Variants in SEC14L1 observed in about 807,000 individuals in gnomAD.
SEC14L1 encodes SEC14 like lipid binding 1, also known as SEC14-like protein 1.
Under a neutral mutation model 85.3 loss-of-function variants are expected in SEC14L1, and 48 were observed. The ratio of observed to expected loss-of-function variants is 0.56; its 90% CI spans 0.45 to 0.72. SEC14L1 has a LOEUF of 0.72. SEC14L1 is among the 30% of genes least tolerant of loss of function. SEC14L1 has a pLI of 0.00. For missense variants in SEC14L1, 682 were observed against 921.4 expected, an observed-to-expected ratio of 0.74 and a Z score of 3.36; for synonymous variants, 391 against 355.5, an observed-to-expected ratio of 1.10 and a Z score of -1.12.
At chr17:77,111,116 C>T (rs1972035146) in intron 3 of SEC14L1, among the ~76,000 whole-genome samples, 1 of 151,342 alleles carries the variant, frequency 6.6e-6, no homozygotes, top group Admixed American at 6.6e-5. Flanking sequence ...TCGCTTGAAC[C>T]CAGGAGGCAG....
At chr17:77,108,654 G>A (rs368460693) in intron 3 of SEC14L1, among the ~76,000 whole-genome samples, 2 of 151,722 alleles carry the variant, frequency 1.3e-5, no homozygotes, top group East Asian at 1.9e-4. Context: ...CAGGAGGATC[G>A]CTTGAACCTG....
intron 3 of SEC14L1, among the ~76,000 whole-genome samples, chr17:77,157,689 G>A (rs1031839373): frequency 1.3e-5 from 2 of 152,020 alleles, no homozygotes; most frequent in Non-Finnish European, 2.9e-5. Context: ...CACCATCCCC[G>A]GCTAATTTTT....
At chr17:77,148,342 GTCTT>G (rs1266102304) in intron 3 of SEC14L1, among the ~76,000 whole-genome samples, 2 of 152,088 alleles carry the variant, frequency 1.3e-5, no homozygotes, top group African/African-American at 4.8e-5. Flanking sequence ...TTGGACTCTG[GTCTT>G]TCTTCTGCTG....
intron 3 of SEC14L1, among the ~76,000 whole-genome samples, chr17:77,099,457 T>C (rs561736840): frequency 6.6e-6 from 1 of 152,224 alleles, no homozygotes; most frequent in East Asian, 1.9e-4. Context: ...AGGCACATCT[T>C]GAAGCCCCTA....
At chr17:77,160,810 T>TTTTTTTTGTGG (rs60879070) in intron 3 of SEC14L1, among the ~76,000 whole-genome samples, 1,560 of 152,350 alleles carry the variant, frequency 0.01, 29 homozygotes, top group African/African-American at 0.035. Flanking sequence ...AGCACATGGT[T>TTTTTTTTGTGG]AGCTTTTATT....
chr17:77,121,357 A>C (rs181458225), intron 3 of SEC14L1, among the ~76,000 whole-genome samples: 5 of 152,272 alleles, frequency 3.3e-5, no homozygotes, highest in African/African-American at 1.2e-4. Flanking sequence ...AGGCCATATC[A>C]TGTGCACTAT....
chr17:77,213,186 T>A lies in SEC14L1; in HGVS notation c.1864-128T>A. The A allele has an allele frequency of 2.6e-6, 2 of 771,046 alleles. No individual in the cohort carries two copies. Among genetic ancestry groups the A allele is most frequent in the East Asian group, 2.7e-5 (1 of 37,036 alleles). The allele number at this position is 771,046 out of a possible 1,614,324, so 47.8% of individuals were successfully genotyped here. ...CTGAAGCAAAATAGCAGGTTCTGAA[T>A]CCCATTGAGATAGTTTCCGTAGCTA... On this transcript the variant is annotated intron_variant, in intron 15 of 16. Coordinates refer to ENST00000436233, the MANE Select transcript of SEC14L1 (RefSeq NM_001143998.2). This position sits in a 1 kb window ranked among gnomAD's most constrained non-coding sequence, Gnocchi z 7.1.
chr17:77,126,426 C>T (rs551263), intron 3 of SEC14L1, among the ~76,000 whole-genome samples: 54,046 of 152,088 alleles, frequency 0.36, 9,810 homozygotes, highest in South Asian at 0.41. Context: ...TTAGGCATCA[C>T]ATGGGGAGGC....
chr17:77,194,297 G>A (rs1449644044), intron 6 of SEC14L1, among the ~76,000 whole-genome samples: 1 of 152,202 alleles, frequency 6.6e-6, no homozygotes, highest in African/African-American at 2.4e-5. Flanking sequence ...GCTCATGCCT[G>A]TAATCCCAGC....
Position 77,172,047 on chromosome 17 carries a change from TTC to T in SEC14L1, c.64-18754_64-18753del, listed in dbSNP as rs1479192839. On this transcript the variant is annotated intron_variant, in intron 3 of 16. Coordinates refer to ENST00000436233, the MANE Select transcript of SEC14L1 (RefSeq NM_001143998.2). ...TTACTGAGCGGTCCTTATATTTAAT[TTC>T]TGTTTCTTCTAAGATTTTTGCTTTA... Among the ~76,000 whole-genome samples the T allele has an allele frequency of 1.1e-4, 16 of 152,280 alleles. No individual in the cohort carries two copies. The East Asian group carries it at 2.9e-3, about 28-fold the overall frequency.
intron 3 of SEC14L1, among the ~76,000 whole-genome samples, chr17:77,119,490 A>G (rs1972248967): frequency 6.6e-6 from 1 of 152,132 alleles, no homozygotes. Context: ...GAGGAGCACC[A>G]TCAAGGAGCC....
intron 3 of SEC14L1, among the ~76,000 whole-genome samples, chr17:77,185,681 A>C (rs934130738): frequency 2.0e-5 from 3 of 152,182 alleles, no homozygotes; most frequent in African/African-American, 7.2e-5. Context: ...TGGAATGTAC[A>C]AAGCCAGTTT....
chr17:77,103,800 A>G (rs113698203), intron 3 of SEC14L1, among the ~76,000 whole-genome samples: 4,043 of 100,692 alleles, frequency 0.04, 192 homozygotes, highest in African/African-American at 0.14. Context: ...TTCATTTGAC[A>G]CTGAGCTGCC....
chr17:77,095,714 G>A (rs1235006547), intron 3 of SEC14L1, among the ~76,000 whole-genome samples: 1 of 152,070 alleles, frequency 6.6e-6, no homozygotes, highest in Admixed American at 6.6e-5. Flanking sequence ...CTGCTCGGGA[G>A]GCTGAGGCAT....
chr17:77,180,891 G>A (rs1251145691), intron 3 of SEC14L1: 1 of 152,136 alleles, frequency 6.6e-6, no homozygotes. Flanking sequence ...TGAAACCTCG[G>A]TTTACCAGTG....
rs1977023189 is a variant in SEC14L1 at position 77,215,867 on chromosome 17, G to A, written c.*1844G>A. ...TAGGTAGGGTTAGTAGGTAGGGTTC[G>A]TAGGTAGGGTTCGTAGGTAGGGTTC... is the stretch of plus-strand genomic sequence containing the variant. On this transcript the variant is annotated 3_prime_UTR_variant, in exon 17 of 17. Coordinates refer to ENST00000436233, the MANE Select transcript of SEC14L1 (RefSeq NM_001143998.2). 8 of 971,850 alleles carry A rather than the reference G, an allele frequency of 8.2e-6. 1 individual carries two copies. The highest frequency in any genetic ancestry group is 9.7e-6 in the Non-Finnish European group (8 of 823,068). 60.2% of individuals were successfully genotyped at this position (971,850 alleles called of 1,614,324 possible).
At chr17:77,161,749 G>T (rs1320639060) in intron 3 of SEC14L1, among the ~76,000 whole-genome samples, 3 of 137,440 alleles carry the variant, frequency 2.2e-5, no homozygotes, top group East Asian at 2.1e-4. Flanking sequence ...ACAACCAGAG[G>T]TTAAGGAAGG....
At chr17:77,102,317 TTGA>T (rs1357286810) in intron 3 of SEC14L1, among the ~76,000 whole-genome samples, 1 of 152,158 alleles carries the variant, frequency 6.6e-6, no homozygotes, top group African/African-American at 2.4e-5. Flanking sequence ...GTTATCTTCC[TTGA>T]TGATTACAGT....
intron 3 of SEC14L1, among the ~76,000 whole-genome samples, chr17:77,180,235 C>G (rs1455003653): frequency 2.0e-5 from 3 of 151,246 alleles, no homozygotes; most frequent in African/African-American, 4.9e-5. Context: ...TCTCGAGTAG[C>G]TGGGACTACA....
Sources: allele counts gnomAD v4.1 joint callset (sites outside exome capture counted in the v4.1 genomes callset), GRCh38; gene constraint gnomAD v4.1.1; non-coding constraint Gnocchi (gnomAD v3.1); transcripts MANE v1.5; gene names NCBI Gene and HGNC (gene_info 2026-07-23, HGNC 2026-07-21).